The following ZNF236 variants were observed in gnomAD, a reference collection of about 807,000 sequenced individuals.
ZNF236 encodes the protein zinc finger protein 236.
ZNF236 carries 50 observed loss-of-function variants against 191.2 expected under a neutral mutation model. That is an observed-to-expected ratio of 0.26 (90% CI 0.21 to 0.33). ZNF236 has a LOEUF of 0.33. ZNF236 is among the 10% of genes least tolerant of loss of function. ZNF236 has a pLI of 1.00. For missense variants in ZNF236, 1,754 were observed against 2,374.5 expected, an observed-to-expected ratio of 0.74 and a Z score of 5.43; for synonymous variants, 907 against 928.8, an observed-to-expected ratio of 0.98 and a Z score of 0.43.
chr18:76,896,812 G>A (rs978028559), intron 10 of ZNF236, among the ~76,000 whole-genome samples: 1 of 151,806 alleles, frequency 6.6e-6, no homozygotes, highest in African/African-American at 2.4e-5. Flanking sequence ...GCTGCACACA[G>A]GTACTGGCCA....
chr18:76,876,258 A>G (rs1041579391), intron 6 of ZNF236, among the ~76,000 whole-genome samples: 13 of 152,358 alleles, frequency 8.5e-5, no homozygotes, highest in Non-Finnish European at 1.5e-4. Flanking sequence ...CTAACTAACC[A>G]TCGTGACTTA....
At chr18:76,938,932 G>GTT (rs1376357246) in intron 26 of ZNF236, among the ~76,000 whole-genome samples, 1 of 152,188 alleles carries the variant, frequency 6.6e-6, no homozygotes, top group Non-Finnish European at 1.5e-5. Context: ...TGCTTATGGA[G>GTT]TTTAACACAC....
In ZNF236 at chr18:76,851,942, A is replaced by AATC. The variant is rs764646716; in HGVS notation, c.363+12_363+14dup. 250 of 1,603,662 alleles carry AATC rather than the reference A, an allele frequency of 1.6e-4. No individual in the cohort carries two copies. The highest frequency in any genetic ancestry group is 2.0e-4 in the Non-Finnish European group (233 of 1,174,924). ...TTATGCTACATGAAAAGGAAGAGGT[A>AATC]ATCATCATCATTTTGCATATACTTT... On this transcript the variant is annotated splice_donor_region_variant and intron_variant, in intron 3 of 30. Coordinates refer to ENST00000320610, the MANE Select transcript of ZNF236 (RefSeq NM_001306089.2).
intron 27 of ZNF236, among the ~76,000 whole-genome samples, chr18:76,951,704 C>T (rs1968414960): frequency 6.6e-6 from 1 of 152,240 alleles, no homozygotes; most frequent in Non-Finnish European, 1.5e-5. Context: ...ACCTTTCCTT[C>T]ATTTCACAAG....
chr18:76,940,355 C>T (rs932338811), intron 26 of ZNF236, among the ~76,000 whole-genome samples: 4 of 148,358 alleles, frequency 2.7e-5, no homozygotes, highest in Non-Finnish European at 4.5e-5. Flanking sequence ...ACACGGTGGG[C>T]GACCCTAGCA....
chr18:76,861,846 C>T (rs1976239770), intron 3 of ZNF236, among the ~76,000 whole-genome samples: 1 of 152,010 alleles, frequency 6.6e-6, no homozygotes, highest in African/African-American at 2.4e-5. Flanking sequence ...ATAATGTGGC[C>T]GTCAGCTCCC....
chr18:76,898,948 TTTATG>T, intron 10 of ZNF236, 66 bp from the exon 11 acceptor site: 1 of 1,300,030 alleles, frequency 7.7e-7, no homozygotes, highest in Non-Finnish European at 1.1e-6. Context: ...ATAATAACAT[TTTATG>T]TTAGCATTTG....
At position 76,880,653 on chromosome 18, in the gene ZNF236, T is replaced by C. The variant is rs1976865570; in HGVS notation, c.1188+337T>C. 1.3e-5 allele frequency among the ~76,000 whole-genome samples: 2 copies of C among 152,196 alleles called. No homozygotes were observed. The highest frequency in any genetic ancestry group is 1.3e-4 in the Admixed American group (2 of 15,288). On this transcript the variant is annotated intron_variant, in intron 8 of 30. Transcript: ENST00000320610. The surrounding 1 kb of genome is among the most constrained non-coding windows in gnomAD (Gnocchi z 5.0). Reference sequence around the variant, plus strand: ...GTTTTATTCTTTCTTGAGGTTCTGGTTTATGATTTGGAGACAGTCATGGGT... The same window carrying C: ...GTTTTATTCTTTCTTGAGGTTCTGGCTTATGATTTGGAGACAGTCATGGGT...
chr18:76,889,812 C>T (rs1404935788), intron 9 of ZNF236, among the ~76,000 whole-genome samples: 6 of 152,214 alleles, frequency 3.9e-5, no homozygotes, highest in South Asian at 2.1e-4. Context: ...CCCAGGGAAG[C>T]GCACCACTAC....
At chr18:76,846,250 C>T (rs1488791393) in intron 1 of ZNF236, among the ~76,000 whole-genome samples, 1 of 152,210 alleles carries the variant, frequency 6.6e-6, no homozygotes, top group African/African-American at 2.4e-5. Context: ...CCATGCCCAG[C>T]CAGGATGCAT....
At chr18:76,854,191 A>C (rs957268316) in intron 3 of ZNF236, among the ~76,000 whole-genome samples, 3 of 152,196 alleles carry the variant, frequency 2.0e-5, no homozygotes, top group Non-Finnish European at 4.4e-5. Context: ...TTACTTATCA[A>C]TTTAAAAATC....
chr18:76,934,970 G>A (rs576786725), intron 25 of ZNF236, among the ~76,000 whole-genome samples: 10 of 152,232 alleles, frequency 6.6e-5, no homozygotes, highest in South Asian at 4.2e-4. Context: ...TTTTTGAGTC[G>A]GAATCATAAA....
chr18:76,929,723 T>C (rs766094202), intron 25 of ZNF236, among the ~76,000 whole-genome samples: 15 of 152,228 alleles, frequency 9.9e-5, no homozygotes, highest in Non-Finnish European at 1.5e-4. Flanking sequence ...TTCTCACTTA[T>C]TATGATGGAT....
In ZNF236 at chr18:76,844,428, G is replaced by T. The variant is rs1381548033; in HGVS notation, c.56-5098G>T. Among the ~76,000 whole-genome samples the T allele has an allele frequency of 2.6e-5, 4 of 152,124 alleles. No homozygotes were observed. In the East Asian group the frequency reaches 5.8e-4, roughly 22 times the overall value. ...GGGCTGTTGTCTTAGAGGAATAGGG[G>T]GTGACGGAGTAGGGTTCTGAGGGTG... On this transcript the variant is annotated intron_variant, in intron 1 of 30. Coordinates refer to ENST00000320610, the MANE Select transcript of ZNF236 (RefSeq NM_001306089.2).
chr18:76,844,517 T>C (rs1975619409), intron 1 of ZNF236, among the ~76,000 whole-genome samples: 1 of 152,154 alleles, frequency 6.6e-6, no homozygotes, highest in East Asian at 1.9e-4. Flanking sequence ...ATTCAAAATG[T>C]AAAAACAAAA....
At chr18:76,828,854 A>G (rs753648447) in intron 1 of ZNF236, among the ~76,000 whole-genome samples, 24 of 152,088 alleles carry the variant, frequency 1.6e-4, no homozygotes, top group Non-Finnish European at 2.8e-4. Context: ...TTTAGTAGAG[A>G]CGGGGTTTCA....
At chr18:76,867,390 T>G (rs1976448621) in intron 3 of ZNF236, among the ~76,000 whole-genome samples, 1 of 152,214 alleles carries the variant, frequency 6.6e-6, no homozygotes, top group Non-Finnish European at 1.5e-5. Flanking sequence ...AAATGATTTT[T>G]GGATTTCTCA....
At chr18:76,879,404 T>C (rs567214326) in intron 7 of ZNF236, among the ~76,000 whole-genome samples, 43 of 152,310 alleles carry the variant, frequency 2.8e-4, no homozygotes, top group Admixed American at 2.4e-3. Flanking sequence ...GTCGGGTACA[T>C]TTGTTACAAC....
chr18:76,869,960 AAAAAT>A (rs1189850213), intron 4 of ZNF236, among the ~76,000 whole-genome samples: 3 of 152,256 alleles, frequency 2.0e-5, no homozygotes, highest in Non-Finnish European at 2.9e-5. Context: ...TGTCTCCAAA[AAAAAT>A]AAAATAAAAT....
Sources: allele counts gnomAD v4.1 joint callset (sites outside exome capture counted in the v4.1 genomes callset), GRCh38; gene constraint gnomAD v4.1.1; non-coding constraint Gnocchi (gnomAD v3.1); transcripts MANE v1.5; gene names NCBI Gene and HGNC (gene_info 2026-07-23, HGNC 2026-07-21).